The following PTPRJ variants were observed in gnomAD, a reference collection of about 807,000 sequenced individuals.
PTPRJ encodes protein tyrosine phosphatase receptor type J, also known as receptor-type tyrosine-protein phosphatase eta.
Under a neutral mutation model 141.3 loss-of-function variants are expected in PTPRJ, and 129 were observed. That is an observed-to-expected ratio of 0.91 (90% CI 0.79 to 1.06). The LOEUF (loss-of-function observed/expected upper bound fraction) is 1.06. Ranked by LOEUF, PTPRJ falls within the 50% of genes least tolerant of loss-of-function variation. The pLI is 0.00. For missense variants in PTPRJ, 1,601 were observed against 1,679.7 expected (o/e 0.95, Z 0.82); for synonymous variants, 610 against 640.5 (o/e 0.95, Z 0.72).
intron 1 of PTPRJ, among the ~76,000 whole-genome samples, chr11:48,095,266 T>G (rs1278774856): frequency 6.6e-6 from 1 of 152,206 alleles, no homozygotes; most frequent in Non-Finnish European, 1.5e-5. Flanking sequence ...AAAAAGTGTT[T>G]TATTAGATGG....
intron 4 of PTPRJ, among the ~76,000 whole-genome samples, chr11:48,122,035 G>A (rs1464594452): frequency 6.6e-6 from 1 of 152,108 alleles, no homozygotes; most frequent in Non-Finnish European, 1.5e-5. Context: ...AGTGGCTTCC[G>A]ACATTTTAAG....
rs1853875474 is a variant in PTPRJ, at chr11:47,980,711, G to T, written c.-202G>T. Reference sequence around the variant, plus strand: ...GGCCCCCCCGCGGCAGCCGCGCTAGGCTCCGGCGTGTGGCCGCGGCCGCCG... The same window carrying T: ...GGCCCCCCCGCGGCAGCCGCGCTAGTCTCCGGCGTGTGGCCGCGGCCGCCG... On this transcript the variant is annotated 5_prime_UTR_variant, in exon 1 of 25. Transcript: ENST00000418331. 3.0e-6 allele frequency: 3 copies of T among 997,640 alleles called. No homozygotes were observed. The highest frequency in any genetic ancestry group is 3.6e-6 in the Non-Finnish European group (3 of 839,682). The allele number at this position is 997,640 out of a possible 1,614,324, so 61.8% of individuals were successfully genotyped here.
intron 1 of PTPRJ, among the ~76,000 whole-genome samples, chr11:48,033,824 G>A (rs1228051): frequency 0.016 from 2,497 of 152,286 alleles, 65 homozygotes; most frequent in African/African-American, 0.057. Context: ...GATCCAAGGC[G>A]GGAACTAGGA....
At chr11:48,149,592 C>T (rs1857432610) in intron 16 of PTPRJ, 104 bp downstream of exon 16, 1 of 794,578 alleles carries the variant, frequency 1.3e-6, no homozygotes, top group African/African-American at 1.8e-5. Context: ...TCCTGATTGG[C>T]ACATTTTGAC....
chr11:48,075,023 A>G (rs928055205), intron 1 of PTPRJ, among the ~76,000 whole-genome samples: 2 of 152,242 alleles, frequency 1.3e-5, no homozygotes, highest in African/African-American at 2.4e-5. Flanking sequence ...GGTGTATACC[A>G]GCTGAGACAG....
chr11:48,109,792 G>A (rs1856392752), intron 1 of PTPRJ, among the ~76,000 whole-genome samples: 1 of 152,132 alleles, frequency 6.6e-6, no homozygotes, highest in African/African-American at 2.4e-5. Context: ...GTGGGGGGAT[G>A]TGTCTGGGGA....
intron 1 of PTPRJ, among the ~76,000 whole-genome samples, chr11:48,066,276 C>G (rs1225636030): frequency 2.0e-5 from 3 of 152,168 alleles, no homozygotes; most frequent in Non-Finnish European, 4.4e-5. Flanking sequence ...ACTGAAGTAA[C>G]TCTTCAGGGA....
chr11:48,024,843 G>A lies in PTPRJ; in HGVS notation c.96+43835G>A, dbSNP rs117060839. On this transcript the variant is annotated intron_variant, in intron 1 of 24. Transcript: ENST00000418331. The stretch of plus-strand genomic sequence containing the variant: ...CAGGCCTAGCAAAGGCAGGGATCCT[G>A]TCTCATTCAGCTGCATTTCTTGAGC... 2.0e-5 allele frequency among the ~76,000 whole-genome samples: 3 copies of A among 152,350 alleles called. No homozygotes were observed. In the East Asian group the frequency reaches 5.8e-4, roughly 29 times the overall value.
chr11:48,081,463 G>A (rs1365827208), intron 1 of PTPRJ, among the ~76,000 whole-genome samples: 3 of 152,196 alleles, frequency 2.0e-5, no homozygotes, highest in African/African-American at 4.8e-5. Flanking sequence ...TGGGCTTGGC[G>A]GACGACTTGG....
intron 6 of PTPRJ, among the ~76,000 whole-genome samples, chr11:48,126,787 C>G (rs2134346489): frequency 1.1e-5 from 1 of 94,430 alleles, no homozygotes; most frequent in Non-Finnish European, 2.0e-5. Context: ...CACACACACA[C>G]ACACACACAC....
intron 1 of PTPRJ, among the ~76,000 whole-genome samples, chr11:48,013,078 TG>T (rs1162313067): frequency 1.5e-5 from 2 of 135,296 alleles, no homozygotes; most frequent in Admixed American, 8.3e-5. Context: ...CACTCCAGCC[TG>T]GGCAACAGAG....
In PTPRJ at chr11:48,158,603, T is replaced by C. The variant is rs1165816897; in HGVS notation, c.3439-1327T>C. 1.3e-5 allele frequency among the ~76,000 whole-genome samples: 2 copies of C among 152,090 alleles called. No individual in the cohort carries two copies. Among genetic ancestry groups the C allele is most frequent in the African/African-American group, 4.8e-5 (2 of 41,414 alleles). ...TTTGGAACCTGGGTCTTTAAAGAAA[T>C]ACAGATCCCGCAGCCAGAGTCAGAA... On this transcript the variant is annotated intron_variant, in intron 21 of 24. Coordinates refer to ENST00000418331, the MANE Select transcript of PTPRJ (RefSeq NM_002843.4). The surrounding 1 kb of genome is among the most constrained non-coding windows in gnomAD (Gnocchi z 4.4).
chr11:48,124,714 A>G (rs925793687), intron 5 of PTPRJ, among the ~76,000 whole-genome samples: 1 of 152,224 alleles, frequency 6.6e-6, no homozygotes, highest in East Asian at 1.9e-4. Flanking sequence ...GAATGACCTG[A>G]AATAAGCAGA....
intron 1 of PTPRJ, among the ~76,000 whole-genome samples, chr11:48,051,963 G>A (rs1034504982): frequency 4.6e-5 from 7 of 152,220 alleles, no homozygotes; most frequent in Non-Finnish European, 8.8e-5. Context: ...TGAACACTTG[G>A]TGAACGTTAG....
intron 5 of PTPRJ, among the ~76,000 whole-genome samples, chr11:48,124,404 T>C (rs12272204): frequency 0.016 from 2,412 of 152,326 alleles, 64 homozygotes; most frequent in African/African-American, 0.055. Flanking sequence ...TATTGGCTCA[T>C]GTGGATTTTC....
At chr11:48,078,666 C>T (rs1164676074) in intron 1 of PTPRJ, among the ~76,000 whole-genome samples, 1 of 152,070 alleles carries the variant, frequency 6.6e-6, no homozygotes, top group Non-Finnish European at 1.5e-5. Flanking sequence ...CAATGGCTTG[C>T]CATCTGCTTC....
At chr11:47,981,054 G>A in intron 1 of PTPRJ, 46 bp downstream of exon 1, 2 of 1,205,402 alleles carry the variant, frequency 1.7e-6, no homozygotes. Context: ...GCTGGGGCGG[G>A]ACTGGCATTG....
chr11:48,161,277 A>G (rs1231995697), intron 22 of PTPRJ, among the ~76,000 whole-genome samples: 4 of 151,670 alleles, frequency 2.6e-5, no homozygotes, highest in Non-Finnish European at 5.9e-5. Flanking sequence ...ATTCTAGGAG[A>G]TGAAAATGTA....
chr11:48,055,441 T>C (rs1854727336), intron 1 of PTPRJ, among the ~76,000 whole-genome samples: 1 of 152,234 alleles, frequency 6.6e-6, no homozygotes, highest in South Asian at 2.1e-4. Context: ...GTCAACCTTT[T>C]GCTTTTCATT....
Sources: gnomAD v4.1 joint callset for allele counts (sites outside exome capture counted in the v4.1 genomes callset) on GRCh38, gnomAD v4.1.1 for gene constraint, Gnocchi (gnomAD v3.1) non-coding constraint, MANE v1.5 for transcripts, NCBI Gene and HGNC (gene_info 2026-07-23, HGNC 2026-07-21) for gene names.